Variants in GLYATL2 observed in about 807,000 individuals in gnomAD.
GLYATL2 encodes glycine-N-acyltransferase like 2.
A neutral mutation model predicts 21.4 loss-of-function variants in GLYATL2; 25 were observed. That is an observed-to-expected ratio of 1.17 (90% CI 0.85 to 1.63). The LOEUF is 1.63. Among genes scored for constraint, GLYATL2 ranks in the 40% most tolerant of loss-of-function variants. The probability of loss-of-function intolerance (pLI) is 0.00; values close to 1 mark genes in which losing one functional copy is unlikely to be tolerated. For synonymous variants in GLYATL2, 114 were observed against 118.2 expected (o/e 0.96, Z 0.23); for missense variants, 361 against 343.3 (o/e 1.05, Z -0.41).
intron 1 of GLYATL2, among the ~76,000 whole-genome samples, chr11:58,903,010 G>A (rs1854765821): frequency 6.6e-6 from 1 of 152,178 alleles, no homozygotes; most frequent in African/African-American, 2.4e-5. Flanking sequence ...TATAGCTCTA[G>A]GTAGTTAGTT....
At chr11:58,873,812 G>A (rs886384506) in intron 1 of GLYATL2, among the ~76,000 whole-genome samples, 2 of 152,180 alleles carry the variant, frequency 1.3e-5, no homozygotes, top group African/African-American at 4.8e-5. Context: ...AAATGAGTTA[G>A]GGAGGATTCT....
At chr11:58,876,944 G>A (rs867580798) in intron 1 of GLYATL2, among the ~76,000 whole-genome samples, 2 of 152,376 alleles carry the variant, frequency 1.3e-5, no homozygotes, top group African/African-American at 2.4e-5. Flanking sequence ...CACCCAGTTC[G>A]AGCTTCCAGG....
At chr11:58,878,508 G>A (rs572421247) in intron 1 of GLYATL2, 1 of 190,954 alleles carries the variant, frequency 5.2e-6, no homozygotes, top group African/African-American at 2.3e-5. Context: ...GTCTAGGAAT[G>A]AATTTGATCT....
At chr11:58,843,067 A>C (rs1853581820) in intron 1 of GLYATL2, among the ~76,000 whole-genome samples, 2 of 152,128 alleles carry the variant, frequency 1.3e-5, no homozygotes, top group Non-Finnish European at 2.9e-5. Flanking sequence ...CTTATGGTAA[A>C]ATTAATTTTG....
upstream of GLYATL2, among the ~76,000 whole-genome samples, chr11:58,906,966 CT>C (rs1056843101): frequency 6.6e-6 from 1 of 152,072 alleles, no homozygotes; most frequent in Non-Finnish European, 1.5e-5. Context: ...ATGTGGAATC[CT>C]TTTTTAAAAA....
upstream of GLYATL2, among the ~76,000 whole-genome samples, chr11:58,906,751 C>T (rs1253386391): frequency 1.3e-5 from 2 of 152,200 alleles, no homozygotes; most frequent in Non-Finnish European, 2.9e-5. Context: ...GCCTTTGTTT[C>T]TGTAAGCAAG....
intron 5 of GLYATL2, among the ~76,000 whole-genome samples, chr11:58,835,413 A>G (rs1005834796): frequency 1.3e-5 from 2 of 152,198 alleles, no homozygotes; most frequent in Non-Finnish European, 2.9e-5. Flanking sequence ...TTTGGTGCTA[A>G]CCATTGGGAT....
At chr11:58,896,109 C>A (rs982516656) in intron 1 of GLYATL2, among the ~76,000 whole-genome samples, 6 of 152,158 alleles carry the variant, frequency 3.9e-5, no homozygotes, top group African/African-American at 1.4e-4. Flanking sequence ...CCCTCCGCGG[C>A]CTCCGAAAGT....
upstream of GLYATL2, chr11:58,908,317 C>T (rs1460213463): frequency 6.6e-6 from 1 of 152,538 alleles, no homozygotes; most frequent in Non-Finnish European, 1.5e-5. Context: ...TGAGATCCCA[C>T]ACAGCCTGAT....
At chr11:58,880,176 A>G (rs781381535) in intron 1 of GLYATL2, among the ~76,000 whole-genome samples, 4 of 152,174 alleles carry the variant, frequency 2.6e-5, no homozygotes, top group Non-Finnish European at 5.9e-5. Context: ...CTTAAAGAGT[A>G]TGGGGAGGGG....
intron 1 of GLYATL2, chr11:58,893,005 G>A (rs920891740): frequency 9.4e-6 from 3 of 320,828 alleles, no homozygotes; most frequent in Non-Finnish European, 1.8e-5. Flanking sequence ...CTTCAAACAA[G>A]AGGAGTGCCT....
At chr11:58,871,020 A>T (rs910393491) in intron 1 of GLYATL2, among the ~76,000 whole-genome samples, 3 of 152,200 alleles carry the variant, frequency 2.0e-5, no homozygotes, top group Non-Finnish European at 4.4e-5. Context: ...TAACTCCAAG[A>T]GTTTTTATTT....
At chr11:58,862,031 T>C (rs1219160796) in intron 1 of GLYATL2, among the ~76,000 whole-genome samples, 1 of 117,986 alleles carries the variant, frequency 8.5e-6, no homozygotes, top group Non-Finnish European at 1.8e-5. Flanking sequence ...TTTTAATCTC[T>C]CCATTATTTG....
chr11:58,882,664 T>C (rs1391863340), intron 1 of GLYATL2, among the ~76,000 whole-genome samples: 2 of 152,250 alleles, frequency 1.3e-5, no homozygotes, highest in African/African-American at 2.4e-5. Context: ...CCCATGCCGA[T>C]GTCCTGAATG....
chr11:58,891,764 G>A (rs1401875817), intron 1 of GLYATL2, among the ~76,000 whole-genome samples: 4 of 152,198 alleles, frequency 2.6e-5, no homozygotes, highest in East Asian at 3.8e-4. Flanking sequence ...AGGAGGTTAC[G>A]TGGGGCACAG....
At chr11:58,834,888 G>T in intron 5 of GLYATL2, 51 bp from the exon 6 acceptor site, 1 of 1,378,376 alleles carries the variant, frequency 7.3e-7, no homozygotes, top group Non-Finnish European at 9.9e-7. Flanking sequence ...ACCAAACACT[G>T]GAATTTCAAA....
intron 1 of GLYATL2, among the ~76,000 whole-genome samples, chr11:58,881,498 G>A (rs568842111): frequency 1.4e-4 from 22 of 152,128 alleles, no homozygotes; most frequent in East Asian, 1.9e-4. Flanking sequence ...AATGGCCATA[G>A]GTCTGAAATA....
At chr11:58,836,683 T>C (rs1853436669) in intron 5 of GLYATL2, among the ~76,000 whole-genome samples, 1 of 152,196 alleles carries the variant, frequency 6.6e-6, no homozygotes, top group Admixed American at 6.5e-5. Context: ...ATTTTATTTT[T>C]TATTTTATAT....
rs1156408724 is a variant in GLYATL2 at position 58,864,622 on chromosome 11, G to T, written n.61-26254C>A. Among the ~76,000 whole-genome samples, 2 of 149,190 alleles carry T rather than the reference G, an allele frequency of 1.3e-5. 1 individual carries two copies. Among genetic ancestry groups the T allele is most frequent in the Non-Finnish European group, 3.0e-5 (2 of 67,186 alleles). On this transcript the variant is annotated intron_variant and non_coding_transcript_variant, in intron 1 of 4. Transcript: ENST00000533636. ...TCTGGTACCTGGTTCCATGCCTGTG[G>T]GTGGGGTGACACAGGTAATGTAAAC... is the stretch of plus-strand genomic sequence containing the variant.
Sources: gnomAD v4.1 joint callset for allele counts (sites outside exome capture counted in the v4.1 genomes callset) on GRCh38, gnomAD v4.1.1 for gene constraint, MANE v1.5 for transcripts, NCBI Gene and HGNC (gene_info 2026-07-23, HGNC 2026-07-21) for gene names.